RPH3A: variants seen among roughly 807,000 people sequenced by gnomAD.
RPH3A encodes the protein rabphilin-3A.
RPH3A carries 48 observed loss-of-function variants against 102.2 expected under a neutral mutation model. That is an observed-to-expected ratio of 0.47 (90% CI 0.37 to 0.60). The LOEUF is 0.60. RPH3A is among the 20% of genes least tolerant of loss of function. The pLI is 0.00. For missense variants in RPH3A, 781 were observed against 910.1 expected, an observed-to-expected ratio of 0.86 and a Z score of 1.83; for synonymous variants, 310 against 324.3, an observed-to-expected ratio of 0.96 and a Z score of 0.47.
intron 1 of RPH3A, among the ~76,000 whole-genome samples, chr12:112,759,738 C>T (rs1229219213): frequency 1.3e-5 from 2 of 152,104 alleles, no homozygotes; most frequent in Admixed American, 1.3e-4. Context: ...TTGTCTAGCC[C>T]CTGCTTCTGG....
intron 1 of RPH3A, among the ~76,000 whole-genome samples, chr12:112,655,563 CTT>C (rs71086113): frequency 9.7e-4 from 54 of 55,570 alleles, no homozygotes; most frequent in African/African-American, 3.9e-3. Context: ...TTTTGTTGGT[CTT>C]TTTTTTTTTT....
chr12:112,799,633 T>G (rs1446724907), intron 2 of RPH3A, among the ~76,000 whole-genome samples: 1 of 152,172 alleles, frequency 6.6e-6, no homozygotes, highest in Non-Finnish European at 1.5e-5. Context: ...CACAAAGGCC[T>G]TTCCCTCAGA....
intron 4 of RPH3A, among the ~76,000 whole-genome samples, chr12:112,843,428 C>T (rs927328268): frequency 2.6e-5 from 4 of 152,146 alleles, no homozygotes; most frequent in African/African-American, 9.7e-5. Context: ...GGAAAGGTGC[C>T]AGCAGCCTCC....
chr12:112,739,619 A>G (rs1269421623), intron 1 of RPH3A, among the ~76,000 whole-genome samples: 1 of 152,106 alleles, frequency 6.6e-6, no homozygotes, highest in Non-Finnish European at 1.5e-5. Flanking sequence ...TTGCTTTTGG[A>G]TTAGACCTGG....
chr12:112,872,807 G>C (rs1055329927), intron 10 of RPH3A, among the ~76,000 whole-genome samples: 3 of 152,142 alleles, frequency 2.0e-5, no homozygotes, highest in Non-Finnish European at 1.5e-5. Context: ...AACTGGATTT[G>C]AATCCCCTGT....
At chr12:112,712,902 TCCTCTTCTTCTTCTTCTTCTTCCTC>T (rs2040475017) in intron 1 of RPH3A, among the ~76,000 whole-genome samples, 1 of 132,066 alleles carries the variant, frequency 7.6e-6, no homozygotes, top group South Asian at 2.9e-4. Flanking sequence ...TTCTTCTTCT[TCCTCTTCTTCTTCTTCTTCTTCCTC>T]TTCTTCTTCT....
chr12:112,721,886 T>C (rs1325775648), intron 1 of RPH3A, among the ~76,000 whole-genome samples: 1 of 152,218 alleles, frequency 6.6e-6, no homozygotes, highest in African/African-American at 2.4e-5. Context: ...CCAATTTTCA[T>C]GCATTTCCAA....
intron 1 of RPH3A, among the ~76,000 whole-genome samples, chr12:112,730,883 GTT>G (rs1341161706): frequency 6.6e-6 from 1 of 152,148 alleles, no homozygotes; most frequent in Non-Finnish European, 1.5e-5. Flanking sequence ...CCTGGCCATT[GTT>G]CCAGGGCTGG....
rs574972191 is a variant in RPH3A, at chr12:112,854,599, C to T, written c.230+6757C>T. 2.8e-4 allele frequency among the ~76,000 whole-genome samples: 43 copies of T among 152,312 alleles called. No homozygotes were observed. In the South Asian group the frequency reaches 8.5e-3, roughly 30 times the overall value. The stretch of plus-strand genomic sequence containing the variant: ...CGGGCTGGCTGGCTCCAGAATTAGG[C>T]TCCTATTCTGCTATTCCATAGAGAA... On this transcript the variant is annotated intron_variant, in intron 5 of 21. Transcript: ENST00000389385.
chr12:112,751,254 G>A (rs2040784281), intron 1 of RPH3A, among the ~76,000 whole-genome samples: 1 of 152,174 alleles, frequency 6.6e-6, no homozygotes, highest in South Asian at 2.1e-4. Context: ...CGATGTTGGT[G>A]GGATAATGAA....
chr12:112,840,735 G>A (rs2042127360), intron 4 of RPH3A, among the ~76,000 whole-genome samples: 1 of 152,144 alleles, frequency 6.6e-6, no homozygotes, highest in East Asian at 1.9e-4. Context: ...ACAGTGGGCA[G>A]TAAAATACCT....
Position 112,885,813 on chromosome 12 carries a change from A to G in RPH3A, c.1437-1984A>G, listed in dbSNP as rs531025468. On this transcript the variant is annotated intron_variant, in intron 16 of 21. Coordinates refer to ENST00000389385, the MANE Select transcript of RPH3A (RefSeq NM_001143854.2). ...TAAATGTACAATTAAATTATTATGG[A>G]CTATAGTCACCCTGTTGTGCTATCA... Among the ~76,000 whole-genome samples, 3 of 152,306 alleles carry G rather than the reference A, an allele frequency of 2.0e-5. No individual in the cohort carries two copies. The South Asian group carries it at 6.2e-4, about 32-fold the overall frequency.
chr12:112,741,054 G>A (rs1169684223), intron 1 of RPH3A, among the ~76,000 whole-genome samples: 1 of 152,126 alleles, frequency 6.6e-6, no homozygotes, highest in Admixed American at 6.5e-5. Flanking sequence ...TGAAGCTGTT[G>A]TTTCCTCTTC....
chr12:112,896,251 G>T (rs2043177908), intron 21 of RPH3A, among the ~76,000 whole-genome samples: 1 of 152,176 alleles, frequency 6.6e-6, no homozygotes, highest in Non-Finnish European at 1.5e-5. Context: ...ATGAAGCAGG[G>T]GGGTGGGGAC....
At chr12:112,864,448 CAAAA>C (rs11324677) in intron 5 of RPH3A, among the ~76,000 whole-genome samples, 2 of 101,990 alleles carry the variant, frequency 2.0e-5, no homozygotes, top group African/African-American at 4.1e-5. Context: ...AAGACTCTGT[CAAAA>C]AAAAAAAAAA....
At chr12:112,671,871 A>G (rs934964592) in intron 1 of RPH3A, among the ~76,000 whole-genome samples, 1 of 144,042 alleles carries the variant, frequency 6.9e-6, no homozygotes, top group Non-Finnish European at 1.5e-5. Context: ...CTATCTATCT[A>G]CACACACACA....
At chr12:112,893,811 G>A (rs57432988) in intron 19 of RPH3A, 9,716 of 152,276 alleles carry the variant, frequency 0.064, 861 homozygotes, top group African/African-American at 0.2. Context: ...TTACAGGCAC[G>A]AGCCACCATA....
chr12:112,678,900 C>T (rs1217893169), intron 1 of RPH3A, among the ~76,000 whole-genome samples: 1 of 152,146 alleles, frequency 6.6e-6, no homozygotes, highest in Non-Finnish European at 1.5e-5. Flanking sequence ...GAGAAGGGGT[C>T]TGTGTTCCGG....
At chr12:112,749,625 G>C (rs116628523) in intron 1 of RPH3A, among the ~76,000 whole-genome samples, 1 of 152,166 alleles carries the variant, frequency 6.6e-6, no homozygotes, top group South Asian at 2.1e-4. Flanking sequence ...TGCCAGTGCT[G>C]TATCCAACCA....
Sources: allele counts gnomAD v4.1 joint callset (sites outside exome capture counted in the v4.1 genomes callset), GRCh38; gene constraint gnomAD v4.1.1; transcripts MANE v1.5; gene names NCBI Gene and HGNC (gene_info 2026-07-23, HGNC 2026-07-21).